The following MAML3 variants were observed in gnomAD, a reference collection of about 807,000 sequenced individuals.
The protein encoded by MAML3 is mastermind like transcriptional coactivator 3.
In MAML3, 27 loss-of-function variants were observed where a neutral mutation model predicts 101.9. That is an observed-to-expected ratio of 0.27 (90% CI 0.20 to 0.37). The LOEUF is 0.37. MAML3 is among the 10% of genes least tolerant of loss of function. The probability of loss-of-function intolerance (pLI) is 1.00; values close to 1 mark genes in which losing one functional copy is unlikely to be tolerated. For missense variants in MAML3, 1,316 were observed against 1,444.9 expected (o/e 0.91, Z 1.45); for synonymous variants, 501 against 555.9 (o/e 0.90, Z 1.39).
chr4:140,077,163 T>C (rs1489395253), intron 1 of MAML3, among the ~76,000 whole-genome samples: 1 of 152,180 alleles, frequency 6.6e-6, no homozygotes, highest in Non-Finnish European at 1.5e-5. Context: ...ATTACAAGCA[T>C]GAGCCACCGC....
intron 2 of MAML3, among the ~76,000 whole-genome samples, chr4:139,802,942 A>C (rs1730634028): frequency 6.6e-6 from 1 of 152,192 alleles, no homozygotes. Flanking sequence ...CTTATACCTA[A>C]TTTTACTCTA....
chr4:140,136,906 T>C (rs1056973993), intron 1 of MAML3, among the ~76,000 whole-genome samples: 2 of 152,208 alleles, frequency 1.3e-5, no homozygotes, highest in Admixed American at 6.5e-5. Flanking sequence ...AGTGGCTGGG[T>C]TGCTTTTTCT....
intron 2 of MAML3, among the ~76,000 whole-genome samples, chr4:139,801,788 T>C (rs1300197508): frequency 6.6e-6 from 1 of 151,990 alleles, no homozygotes; most frequent in Non-Finnish European, 1.5e-5. Context: ...GCAGACAGAA[T>C]GACTAAGGTG....
intron 2 of MAML3, among the ~76,000 whole-genome samples, chr4:139,875,259 G>C (rs187434081): frequency 6.6e-6 from 1 of 152,144 alleles, no homozygotes; most frequent in Admixed American, 6.5e-5. Context: ...CCCTCCCTAC[G>C]AAGGCAGCTC....
At chr4:139,938,681 A>G (rs1578607531) in intron 1 of MAML3, among the ~76,000 whole-genome samples, 1 of 152,316 alleles carries the variant, frequency 6.6e-6, no homozygotes, top group East Asian at 1.9e-4. Flanking sequence ...TACATAATGG[A>G]TCAAGATAAA....
intron 1 of MAML3, among the ~76,000 whole-genome samples, chr4:140,045,391 A>G (rs1331941875): frequency 3.4e-5 from 3 of 87,792 alleles, no homozygotes; most frequent in Non-Finnish European, 9.1e-5. Context: ...CAAGACTCCA[A>G]CTCAAAAAAA....
At chr4:139,727,721 G>A (rs6819304) in intron 3 of MAML3, among the ~76,000 whole-genome samples, 18,419 of 152,200 alleles carry the variant, frequency 0.12, 1,305 homozygotes, top group Non-Finnish European at 0.16. Flanking sequence ...CTTTCAACCT[G>A]CACTGCTCTG....
chr4:139,801,676 GT>G (rs1730611771), intron 2 of MAML3, among the ~76,000 whole-genome samples: 1 of 75,608 alleles, frequency 1.3e-5, no homozygotes, highest in Non-Finnish European at 3.0e-5. Context: ...GTGTGTGTGT[GT>G]GTGTCTGTGT....
chr4:139,746,506 G>A (rs1163304490), intron 2 of MAML3, among the ~76,000 whole-genome samples: 1 of 152,150 alleles, frequency 6.6e-6, no homozygotes, highest in East Asian at 1.9e-4. Flanking sequence ...ACAACACTCT[G>A]AAATTACCAC....
chr4:140,025,007 C>T (rs750576120), intron 1 of MAML3, among the ~76,000 whole-genome samples: 1 of 152,194 alleles, frequency 6.6e-6, no homozygotes, highest in Non-Finnish European at 1.5e-5. Flanking sequence ...TACTCGATGG[C>T]TATGTTTCCA....
At chr4:139,996,816 T>C (rs545539878) in intron 1 of MAML3, among the ~76,000 whole-genome samples, 59 of 151,974 alleles carry the variant, frequency 3.9e-4, no homozygotes, top group African/African-American at 1.4e-3. Context: ...ATCCCAGCAC[T>C]TTGGGAGGCC....
chr4:140,041,988 A>C (rs1020119735), intron 1 of MAML3, among the ~76,000 whole-genome samples: 1 of 152,226 alleles, frequency 6.6e-6, no homozygotes, highest in African/African-American at 2.4e-5. Context: ...ACTAGGTATA[A>C]GGTACCATTG....
Position 140,104,407 on chromosome 4 carries a change from T to A in MAML3, c.468+48453A>T, listed in dbSNP as rs1271575544. 1.6e-3 allele frequency among the ~76,000 whole-genome samples: 105 copies of A among 66,476 alleles called. 3 individuals carry two copies. The East Asian group carries it at 0.029, about 18-fold the overall frequency. The allele number at this position is 66,476 out of a possible 152,430, so 43.6% of individuals were successfully genotyped here. On this transcript the variant is annotated intron_variant, in intron 1 of 4. Transcript: ENST00000509479. Reference sequence around the variant, plus strand: ...TATATATTATATATTATATAATATATAATATAATATATAATATACACGAAT... The same window carrying A: ...TATATATTATATATTATATAATATAAAATATAATATATAATATACACGAAT...
chr4:139,750,782 C>T (rs1269731220), intron 2 of MAML3, among the ~76,000 whole-genome samples: 1 of 152,208 alleles, frequency 6.6e-6, no homozygotes, highest in Non-Finnish European at 1.5e-5. Flanking sequence ...GATAGATTTT[C>T]ATCCTAGCAT....
At chr4:140,069,600 GGAA>G (rs1176497947) in intron 1 of MAML3, among the ~76,000 whole-genome samples, 121 of 137,532 alleles carry the variant, frequency 8.8e-4, no homozygotes, top group Admixed American at 2.4e-3. Flanking sequence ...AAGAGGAGGA[GGAA>G]GAAGAAGAAG....
At chr4:139,984,521 A>G (rs1734500909) in intron 1 of MAML3, among the ~76,000 whole-genome samples, 1 of 152,216 alleles carries the variant, frequency 6.6e-6, no homozygotes, top group African/African-American at 2.4e-5. Context: ...AGCCTACACA[A>G]AAGAGGATCA....
chr4:139,887,012 T>C (rs1291730274), intron 2 of MAML3, among the ~76,000 whole-genome samples: 1 of 152,220 alleles, frequency 6.6e-6, no homozygotes. Flanking sequence ...ATGGTCATTG[T>C]GATCAACAAA....
chr4:139,745,374 T>C (rs1339148249), intron 2 of MAML3, among the ~76,000 whole-genome samples: 1 of 152,128 alleles, frequency 6.6e-6, no homozygotes, highest in Non-Finnish European at 1.5e-5. Context: ...GGTAAGCTAG[T>C]GTCAGATTAG....
At chr4:140,058,271 T>TC (rs1297723577) in intron 1 of MAML3, among the ~76,000 whole-genome samples, 18 of 150,122 alleles carry the variant, frequency 1.2e-4, no homozygotes, top group Non-Finnish European at 2.7e-4. Context: ...TCAGAGTACT[T>TC]TTTTTTTTAG....
Sources: gnomAD v4.1 joint callset for allele counts (sites outside exome capture counted in the v4.1 genomes callset) on GRCh38, gnomAD v4.1.1 for gene constraint, MANE v1.5 for transcripts, NCBI Gene and HGNC (gene_info 2026-07-23, HGNC 2026-07-21) for gene names.